The following SUCLG2 variants were observed in gnomAD, a reference collection of about 807,000 sequenced individuals.
SUCLG2 encodes succinate--CoA ligase [GDP-forming] subunit beta, mitochondrial.
In SUCLG2, 42 loss-of-function variants were observed where a neutral mutation model predicts 47.9. The observed-to-expected ratio is 0.88, with a 90% CI of 0.69 to 1.14. The LOEUF (loss-of-function observed/expected upper bound fraction) is 1.14. SUCLG2 is among the 50% of genes most tolerant of loss of function. The pLI, the probability that SUCLG2 is intolerant of heterozygous loss-of-function variation, is 0.00. For synonymous variants in SUCLG2, 195 were observed against 197.3 expected (o/e 0.99, Z 0.10); for missense variants, 571 against 525.9 (o/e 1.09, Z -0.84).
chr3:67,559,450 C>G (rs763231545), intron 2 of SUCLG2, among the ~76,000 whole-genome samples: 2 of 152,082 alleles, frequency 1.3e-5, no homozygotes, highest in Non-Finnish European at 2.9e-5. Flanking sequence ...AGAGATAGCA[C>G]AAGGAAGTGC....
intron 10 of SUCLG2, among the ~76,000 whole-genome samples, chr3:67,364,441 C>T (rs917545363): frequency 6.6e-6 from 1 of 151,378 alleles, no homozygotes; most frequent in Non-Finnish European, 1.5e-5. Flanking sequence ...CCCCCACCCC[C>T]AAGTAAAGAG....
At chr3:67,402,904 G>A (rs1702719928) in intron 9 of SUCLG2, among the ~76,000 whole-genome samples, 2 of 152,166 alleles carry the variant, frequency 1.3e-5, no homozygotes, top group Non-Finnish European at 1.5e-5. Flanking sequence ...ATAATCTTAT[G>A]TGAATTCACC....
chr3:67,583,581 G>A (rs1034726822), intron 2 of SUCLG2, among the ~76,000 whole-genome samples: 6 of 152,124 alleles, frequency 3.9e-5, no homozygotes, highest in Non-Finnish European at 1.5e-5. Context: ...TCAGAAGTCT[G>A]GCAGGATGTA....
chr3:67,497,033 A>G (rs62256397), intron 8 of SUCLG2, among the ~76,000 whole-genome samples: 20,417 of 152,200 alleles, frequency 0.13, 1,822 homozygotes, highest in Admixed American at 0.23. Context: ...AATAATCTGT[A>G]TTTAATTTGG....
In SUCLG2 at chr3:67,638,287, T is replaced by C. The variant is rs2107363867; in HGVS notation, c.84+16216A>G. On this transcript the variant is annotated intron_variant, in intron 1 of 10. Coordinates refer to ENST00000307227, the MANE Select transcript of SUCLG2 (RefSeq NM_003848.4). ...CTGAGTGTCAAAGAGAAAATGCCAT[T>C]GGAATGCCTAGCACTTAGTGGCCCT... 2.0e-5 allele frequency among the ~76,000 whole-genome samples: 3 copies of C among 152,328 alleles called. No homozygotes were observed. In the South Asian group the frequency reaches 6.2e-4, roughly 32 times the overall value.
At chr3:67,634,089 T>C (rs1022011479) in intron 1 of SUCLG2, among the ~76,000 whole-genome samples, 4 of 152,198 alleles carry the variant, frequency 2.6e-5, no homozygotes, top group African/African-American at 9.7e-5. Flanking sequence ...ACACCCTCCA[T>C]ATATTATCTA....
chr3:67,644,989 T>C (rs555048156), intron 1 of SUCLG2, among the ~76,000 whole-genome samples: 24 of 152,142 alleles, frequency 1.6e-4, no homozygotes, highest in South Asian at 4.2e-4. Context: ...CAGGAGGAAA[T>C]AGATTCATCC....
intron 1 of SUCLG2, among the ~76,000 whole-genome samples, chr3:67,648,598 A>G (rs1180113402): frequency 6.6e-6 from 1 of 152,216 alleles, no homozygotes; most frequent in Non-Finnish European, 1.5e-5. Flanking sequence ...TCTATAAAAC[A>G]TGGAGACTGT....
At chr3:67,397,633 T>C (rs1702576611) in intron 10 of SUCLG2, among the ~76,000 whole-genome samples, 1 of 152,126 alleles carries the variant, frequency 6.6e-6, no homozygotes, top group Non-Finnish European at 1.5e-5. Flanking sequence ...CCCATCAAGC[T>C]ACCAATGACT....
In SUCLG2 at chr3:67,521,103, C is replaced by T. The variant is rs79979172; in HGVS notation, c.418-469G>A. ...ATATGTTTGTGTATTTCTGTCTCTT[C>T]GATCACTATATTTTACTTCATTTTA... On this transcript the variant is annotated intron_variant, in intron 4 of 10. Coordinates refer to ENST00000307227, the MANE Select transcript of SUCLG2 (RefSeq NM_003848.4). Among the ~76,000 whole-genome samples, 674 of 152,268 alleles carry T rather than the reference C, an allele frequency of 4.4e-3. 8 individuals are homozygous for T. The East Asian group carries it at 0.054, about 12-fold the overall frequency.
At chr3:67,631,393 C>T (rs976829422) in intron 1 of SUCLG2, among the ~76,000 whole-genome samples, 2 of 152,012 alleles carry the variant, frequency 1.3e-5, no homozygotes, top group Admixed American at 1.3e-4. Context: ...TTTAGGAGGC[C>T]GAGGTGGGTG....
At chr3:67,619,707 A>AACTT (rs1700699454) in intron 1 of SUCLG2, among the ~76,000 whole-genome samples, 2 of 152,346 alleles carry the variant, frequency 1.3e-5, no homozygotes, top group East Asian at 3.9e-4. Flanking sequence ...TTAAGGAGCA[A>AACTT]AGAAATGTAA....
chr3:67,447,919 G>C (rs959768029), intron 9 of SUCLG2, among the ~76,000 whole-genome samples: 21 of 152,134 alleles, frequency 1.4e-4, no homozygotes, highest in Middle Eastern at 3.2e-3. Flanking sequence ...AGTAGAGACA[G>C]GGTTTTGCCA....
intron 9 of SUCLG2, among the ~76,000 whole-genome samples, chr3:67,490,254 A>AGTTT (rs1705172737): frequency 6.6e-6 from 1 of 152,196 alleles, no homozygotes; most frequent in African/African-American, 2.4e-5. Context: ...ATAAACTCTA[A>AGTTT]ATGTGCAATA....
At chr3:67,379,931 T>C (rs2101566) in intron 10 of SUCLG2, among the ~76,000 whole-genome samples, 103,167 of 152,106 alleles carry the variant, frequency 0.68, 35,450 homozygotes, top group Non-Finnish European at 0.71. Context: ...TCGTCCCCTC[T>C]AAACATCCAC....
chr3:67,579,657 G>A (rs926626976), intron 2 of SUCLG2, among the ~76,000 whole-genome samples: 11 of 152,130 alleles, frequency 7.2e-5, no homozygotes, highest in Non-Finnish European at 1.5e-4. Context: ...TCCAAGCTGG[G>A]CACTAACGTC....
chr3:67,590,592 T>C (rs1014399296), intron 2 of SUCLG2, among the ~76,000 whole-genome samples: 9 of 152,294 alleles, frequency 5.9e-5, no homozygotes, highest in Non-Finnish European at 1.0e-4. Flanking sequence ...CCATGTGACA[T>C]GCCTACTCCT....
chr3:67,535,118 G>A (rs1047186299), intron 2 of SUCLG2, among the ~76,000 whole-genome samples: 1 of 152,036 alleles, frequency 6.6e-6, no homozygotes, highest in Non-Finnish European at 1.5e-5. Flanking sequence ...TATTTCTACT[G>A]TATTATGTGT....
intron 6 of SUCLG2, among the ~76,000 whole-genome samples, chr3:67,511,455 TAGTG>T (rs1208505890): frequency 5.3e-5 from 8 of 152,238 alleles, no homozygotes; most frequent in Admixed American, 4.6e-4. Context: ...GTTCTCATGA[TAGTG>T]AGTAAGTCTC....
Sources: allele counts gnomAD v4.1 joint callset (sites outside exome capture counted in the v4.1 genomes callset), GRCh38; gene constraint gnomAD v4.1.1; transcripts MANE v1.5; gene names NCBI Gene and HGNC (gene_info 2026-07-23, HGNC 2026-07-21).